The following ECM2 variants were observed in gnomAD, a reference collection of about 807,000 sequenced individuals.
ECM2 encodes extracellular matrix protein 2.
A neutral mutation model predicts 67.5 loss-of-function variants in ECM2; 57 were observed. The ratio of observed to expected loss-of-function variants is 0.84; its 90% CI spans 0.68 to 1.05. The LOEUF is 1.05. Among genes scored for constraint, ECM2 ranks in the 50% least tolerant of loss-of-function variants. The pLI is 0.00. For synonymous variants in ECM2, 258 were observed against 294.5 expected, an observed-to-expected ratio of 0.88 and a Z score of 1.27; for missense variants, 741 against 822.8, an observed-to-expected ratio of 0.90 and a Z score of 1.22.
chr9:92,505,705 AG>A lies in ECM2; in HGVS notation c.1307-16del. On this transcript the variant is annotated splice_polypyrimidine_tract_variant and intron_variant, in intron 6 of 9. Transcript: ENST00000344604. ...CTGATTTAAGTCTATAAAAAATAAA[AG>A]TATTAGAATATTAGGATAATTGAAA... 1 of 1,549,492 alleles carries A rather than the reference AG, an allele frequency of 6.5e-7. No individual in the cohort carries two copies. Among genetic ancestry groups the A allele is most frequent in the Non-Finnish European group, 8.7e-7 (1 of 1,151,794 alleles).
At chr9:92,555,873 G>T in the ECM2 span, among the ~76,000 whole-genome samples, 2 of 151,786 alleles carry the variant, frequency 1.3e-5, no homozygotes, top group East Asian at 3.9e-4. Flanking sequence ...GTATTTTTTT[G>T]TTGTTGTTTC....
the ECM2 span, among the ~76,000 whole-genome samples, chr9:92,547,243 G>A: frequency 3.9e-5 from 6 of 152,152 alleles, no homozygotes; most frequent in African/African-American, 1.4e-4. Context: ...GAATATAAGG[G>A]AACATCTTTA....
At chr9:92,534,680 G>C (rs1849057586) in intron 1 of ECM2, among the ~76,000 whole-genome samples, 1 of 152,152 alleles carries the variant, frequency 6.6e-6, no homozygotes, top group African/African-American at 2.4e-5. Flanking sequence ...AATTCAGAGA[G>C]CAAAGTAGTA....
chr9:92,549,417 C>T, the ECM2 span, among the ~76,000 whole-genome samples: 16 of 152,092 alleles, frequency 1.1e-4, no homozygotes, highest in Non-Finnish European at 2.1e-4. Context: ...GAGGCCGAGA[C>T]GGGTGGATCA....
Position 92,496,475 on chromosome 9 carries a change from A to G in ECM2, c.1940T>C (p.Leu647Pro). 6.2e-7 allele frequency: 1 copy of G among 1,609,114 alleles called. No individual in the cohort carries two copies. The highest frequency in any genetic ancestry group is 1.3e-5 in the African/African-American group (1 of 74,774). Residue 647 changes from leucine (L) to proline (P), a missense_variant, in exon 10 of 10, where the codon CTT becomes CCT. Leu to Pro is a moderately conservative substitution (Grantham distance 98). Transcript: ENST00000344604. ...TTCAGCATTGCAAATTTCTTCTGGA[A>G]GAATGTTCCTAAGGAAAAATAGACA... ...RLNNNKIRNI[L>P]PEEICNAEED... is the part of the protein sequence containing the mutation.
Position 92,505,621 on chromosome 9 carries a change from G to A in ECM2, c.1376C>T (p.Ala459Val). 1.2e-6 allele frequency: 2 copies of A among 1,610,818 alleles called. No homozygotes were observed. Among genetic ancestry groups the A allele is most frequent in the South Asian group, 1.1e-5 (1 of 89,880 alleles). Residue 459 changes from alanine (A) to valine (V), a missense_variant, in exon 7 of 10, where the codon GCT (alanine) becomes GTT (valine). Transcript: ENST00000344604. Reference sequence around the variant, plus strand: ...GGCTAGGCTCTTCAAAGGTTTGAAAGCTAAAGGATTGACATTGGCTTCACT... The same window carrying A: ...GGCTAGGCTCTTCAAAGGTTTGAAAACTAAAGGATTGACATTGGCTTCACT... ...NLSEANVNPL[A>V]FKPLKSLAYL...
Position 92,500,747 on chromosome 9 carries a change from C to T in ECM2, c.1911G>A (p.Arg637=), listed in dbSNP as rs1846622691. The T allele has an allele frequency of 1.9e-6, 3 of 1,611,650 alleles. No homozygotes were observed. The highest frequency in any genetic ancestry group is 2.5e-6 in the Non-Finnish European group (3 of 1,178,050). The stretch of plus-strand genomic sequence containing the variant: ...TTTACCGTATCTTGTTGTTGTTCAG[C>T]CTCAGAAAATGTAGTGCTTTCATTT... ...IQEMKALHFL[R]LNNNKIRNIL... is the part of the protein sequence containing the mutation. Residue 637 remains arginine, a synonymous_variant, in exon 9 of 10, where the codon AGG becomes AGA. Coordinates refer to ENST00000344604, the MANE Select transcript of ECM2 (RefSeq NM_001393.4).
Position 92,500,776 on chromosome 9 carries a change from G to A in ECM2, c.1882C>T (p.Gln628Ter), listed in dbSNP as rs140976209. 3.1e-6 allele frequency: 5 copies of A among 1,614,022 alleles called. No homozygotes were observed. The highest frequency in any genetic ancestry group is 3.3e-5 in the Admixed American group (2 of 60,000). Residue 628 changes from glutamine (Q) to a stop codon, truncating the protein, a stop_gained, in exon 9 of 10, where the codon CAA becomes TAA. Coordinates refer to ENST00000344604, the MANE Select transcript of ECM2 (RefSeq NM_001393.4). LOFTEE classifies it high-confidence loss of function. ...AGAAAATGTAGTGCTTTCATTTCTT[G>A]TATCCCAGGTGGTATAGATTTTAAG... The part of the protein sequence containing the change: ...NDLKSIPPGI[Q>*]EMKALHFLRL...
At chr9:92,536,182 A>T, upstream of ECM2, 1 of 370,954 alleles carries the variant, frequency 2.7e-6, no homozygotes. Flanking sequence ...TATTTTTTTT[A>T]ATCATAAGAA....
At chr9:92,558,269 T>A in the ECM2 span, among the ~76,000 whole-genome samples, 3 of 152,210 alleles carry the variant, frequency 2.0e-5, no homozygotes, top group African/African-American at 7.2e-5. Context: ...TTTAGGTAGG[T>A]TCTATCAGAG....
rs1232368330 is a variant in ECM2 at position 92,505,624 on chromosome 9, A to G, written c.1373T>C (p.Leu458Ser). The change falls in exon 7 of 10, where the codon TTA becomes TCA. Residue 458 changes from leucine (L) to serine (S), a missense_variant. Leu to Ser is a moderately radical substitution (Grantham distance 145, BLOSUM62 -2). Coordinates refer to ENST00000344604, the MANE Select transcript of ECM2 (RefSeq NM_001393.4). The part of the protein sequence containing the change: ...NNLSEANVNP[L>S]AFKPLKSLAY... ...TAGGCTCTTCAAAGGTTTGAAAGCT[A>G]AAGGATTGACATTGGCTTCACTGAG... is the stretch of plus-strand genomic sequence containing the variant. The G allele has an allele frequency of 6.2e-7, 1 of 1,610,898 alleles. No homozygotes were observed. The highest frequency in any genetic ancestry group is 8.5e-7 in the Non-Finnish European group (1 of 1,179,122).
At chr9:92,495,181 G>A (rs1554768330), downstream of ECM2, 2 of 264,730 alleles carry the variant, frequency 7.6e-6, no homozygotes, top group Non-Finnish European at 1.2e-5. Flanking sequence ...AAAAATTAGA[G>A]AAACCTATGC....
chr9:92,537,137 A>G (rs1240339089), upstream of ECM2, among the ~76,000 whole-genome samples: 1 of 151,728 alleles, frequency 6.6e-6, no homozygotes, highest in Non-Finnish European at 1.5e-5. Context: ...CGGCCTTCCA[A>G]AGTGCTGGGA....
chr9:92,545,499 C>T, the ECM2 span, among the ~76,000 whole-genome samples: 3 of 151,700 alleles, frequency 2.0e-5, no homozygotes, highest in East Asian at 2.0e-4. Flanking sequence ...GGCAGGGCTC[C>T]GGACCTGCAG....
chr9:92,515,409 A>G (rs1343540741), intron 3 of ECM2, among the ~76,000 whole-genome samples: 1 of 152,096 alleles, frequency 6.6e-6, no homozygotes, highest in Non-Finnish European at 1.5e-5. Flanking sequence ...CATTTTATTC[A>G]CCTGTGGGCC....
At chr9:92,551,729 G>A in the ECM2 span, among the ~76,000 whole-genome samples, 13 of 151,362 alleles carry the variant, frequency 8.6e-5, no homozygotes, top group African/African-American at 1.7e-4. Flanking sequence ...ATGCCCTTGC[G>A]TCCTCATAGC....
downstream of ECM2, among the ~76,000 whole-genome samples, chr9:92,494,486 T>A (rs186166430): frequency 1.4e-3 from 219 of 152,316 alleles, no homozygotes; most frequent in African/African-American, 4.8e-3. Context: ...AAATTCTAGT[T>A]TTCTTCCTAA....
intron 6 of ECM2, 90 bp from the exon 7 acceptor site, chr9:92,505,780 G>A: frequency 9.2e-7 from 1 of 1,089,300 alleles, no homozygotes; most frequent in Non-Finnish European, 1.3e-6. Flanking sequence ...GAAATGGCCG[G>A]TTTATTTGGA....
At chr9:92,511,816 G>A (rs1044560789) in intron 5 of ECM2, among the ~76,000 whole-genome samples, 195 bp downstream of exon 5, 2 of 152,156 alleles carry the variant, frequency 1.3e-5, no homozygotes, top group East Asian at 3.8e-4. Context: ...TTACAGCAAA[G>A]CTAAAAGTAT....
Sources: allele counts gnomAD v4.1 joint callset (sites outside exome capture counted in the v4.1 genomes callset), GRCh38; gene constraint gnomAD v4.1.1; transcripts MANE v1.5; gene names NCBI Gene and HGNC (gene_info 2026-07-23, HGNC 2026-07-21).